Variants in MTAP observed in about 807,000 individuals in gnomAD.
MTAP encodes S-methyl-5'-thioadenosine phosphorylase.
Under a neutral mutation model 33.6 loss-of-function variants are expected in MTAP, and 33 were observed. The observed-to-expected ratio is 0.98, with a 90% confidence interval of 0.74 to 1.31. The LOEUF (loss-of-function observed/expected upper bound fraction) is 1.31, where lower values mean the gene tolerates loss of function less well. Among genes scored for constraint, MTAP ranks in the 40% most tolerant of loss-of-function variants. The probability of loss-of-function intolerance (pLI) is 0.00; values close to 1 mark genes in which losing one functional copy is unlikely to be tolerated. For missense variants in MTAP, 367 were observed against 360.0 expected (o/e 1.02, Z -0.16); for synonymous variants, 148 against 125.7 (o/e 1.18, Z -1.19).
chr9:21,904,404 C>A (rs1563865486), intron 1 of MTAP, among the ~76,000 whole-genome samples: 2 of 152,224 alleles, frequency 1.3e-5, no homozygotes, highest in African/African-American at 4.8e-5. Context: ...ACCTCCTCCT[C>A]TACCCAGCAT....
At chr9:21,873,709 C>A (rs1825967680) in intron 1 of MTAP, among the ~76,000 whole-genome samples, 2 of 149,554 alleles carry the variant, frequency 1.3e-5, no homozygotes, top group African/African-American at 4.9e-5. Context: ...AAGACAGCAG[C>A]CACTAAAAAG....
intron 1 of MTAP, chr9:21,893,714 C>G (rs572317289): frequency 6.6e-6 from 1 of 152,016 alleles, no homozygotes; most frequent in African/African-American, 2.4e-5. Flanking sequence ...AATTGAAACC[C>G]TGAACAGACC....
At chr9:21,926,072 C>G (rs1011019567) in intron 1 of MTAP, among the ~76,000 whole-genome samples, 9 of 152,168 alleles carry the variant, frequency 5.9e-5, no homozygotes, top group Non-Finnish European at 1.2e-4. Context: ...CAAATGCAAT[C>G]TTATGCCTCA....
intron 1 of MTAP, among the ~76,000 whole-genome samples, chr9:21,925,753 A>C (rs532177923): frequency 8.3e-4 from 102 of 123,584 alleles, no homozygotes; most frequent in Middle Eastern, 7.2e-3. Flanking sequence ...AAGGCCCGCC[A>C]CTCCAGCAGC....
chr9:21,839,298 CA>C (rs1392413819), intron 5 of MTAP, among the ~76,000 whole-genome samples: 1 of 151,896 alleles, frequency 6.6e-6, no homozygotes, highest in African/African-American at 2.4e-5. Flanking sequence ...CAGATCTGTC[CA>C]CATAATAGAT....
chr9:21,915,657 A>T (rs573078272), intron 1 of MTAP, among the ~76,000 whole-genome samples: 99 of 152,270 alleles, frequency 6.5e-4, no homozygotes, highest in African/African-American at 2.2e-3. Context: ...TATAAAGAGG[A>T]GTGATATAAT....
chr9:21,868,009 A>T (rs553846061), downstream of MTAP, among the ~76,000 whole-genome samples: 2 of 152,316 alleles, frequency 1.3e-5, no homozygotes, highest in African/African-American at 4.8e-5. Context: ...TCAAAAATAC[A>T]TAGAGTAAAA....
intron 1 of MTAP, among the ~76,000 whole-genome samples, chr9:21,915,007 C>T (rs1211271657): frequency 0.03 from 763 of 25,470 alleles, 42 homozygotes; most frequent in African/African-American, 0.13. Flanking sequence ...TTCTTTCCTT[C>T]CTTCCTTCCT....
At chr9:21,844,846 A>C (rs973429573) in intron 5 of MTAP, among the ~76,000 whole-genome samples, 1 of 152,156 alleles carries the variant, frequency 6.6e-6, no homozygotes. Context: ...CCTGGCTAAC[A>C]CGGTGAAACC....
chr9:21,910,780 C>T (rs1341822402), intron 1 of MTAP, among the ~76,000 whole-genome samples: 1 of 152,082 alleles, frequency 6.6e-6, no homozygotes, highest in East Asian at 1.9e-4. Context: ...GTATCACAGT[C>T]CAACTCCAGA....
At chr9:21,848,232 A>G (rs1825428231) in intron 5 of MTAP, among the ~76,000 whole-genome samples, 1 of 152,140 alleles carries the variant, frequency 6.6e-6, no homozygotes, top group Non-Finnish European at 1.5e-5. Context: ...CTATAACTGG[A>G]CTGAAGTTCC....
intron 1 of MTAP, among the ~76,000 whole-genome samples, chr9:21,900,162 G>A (rs1294067025): frequency 6.6e-6 from 1 of 151,938 alleles, no homozygotes; most frequent in Non-Finnish European, 1.5e-5. Context: ...ATTGCAACAA[G>A]AACAAAAATT....
At chr9:21,819,179 T>A (rs1378807039) in intron 4 of MTAP, among the ~76,000 whole-genome samples, 1 of 151,354 alleles carries the variant, frequency 6.6e-6, no homozygotes, top group Non-Finnish European at 1.5e-5. Context: ...CTAGGGTACA[T>A]GTGCACAACG....
chr9:21,839,161 G>A (rs1181175674), intron 5 of MTAP, among the ~76,000 whole-genome samples: 1 of 147,126 alleles, frequency 6.8e-6, no homozygotes, highest in East Asian at 2.0e-4. Flanking sequence ...AGGAAAGTAC[G>A]TCTTTTACTT....
rs1362602220 is a variant in MTAP at position 21,864,193 on chromosome 9, A to G, written c.*2179A>G. ...TTAAATAGCCTTCTCTAGCAACATC[A>G]TTTTCAGACTAACTAAATGAATGCA... On this transcript the variant is annotated 3_prime_UTR_variant, in exon 8 of 8. Coordinates refer to ENST00000644715, the MANE Select transcript of MTAP (RefSeq NM_002451.4). The G allele has an allele frequency of 2.0e-6, 2 of 985,242 alleles. No homozygotes were observed. The highest frequency in any genetic ancestry group is 3.5e-5 in the African/African-American group (2 of 57,208). 61.0% of individuals were successfully genotyped at this position (985,242 alleles called of 1,614,324 possible).
In MTAP at chr9:21,865,037, T is replaced by C. The variant is rs879441545; in HGVS notation, c.*3023T>C. 1 of 985,348 alleles carries C rather than the reference T, an allele frequency of 1.0e-6. No homozygotes were observed. Among genetic ancestry groups the C allele is most frequent in the South Asian group, 4.7e-5 (1 of 21,294 alleles). 61.0% of individuals were successfully genotyped at this position (985,348 alleles called of 1,614,324 possible). ...TCTGATGGGTTAGGAAGTCACGAAA[T>C]GAGGAGTTCTTGCCACATTTGCAGA... On this transcript the variant is annotated 3_prime_UTR_variant, in exon 8 of 8. Coordinates refer to ENST00000644715, the MANE Select transcript of MTAP (RefSeq NM_002451.4).
downstream of MTAP, among the ~76,000 whole-genome samples, chr9:21,938,238 C>CA (rs1819073489): frequency 6.7e-6 from 1 of 150,092 alleles, no homozygotes; most frequent in Admixed American, 6.6e-5. Context: ...CACACCACTG[C>CA]ACTCCAGCCT....
intron 5 of MTAP, among the ~76,000 whole-genome samples, chr9:21,842,148 A>C (rs1177665213): frequency 6.6e-6 from 1 of 152,228 alleles, no homozygotes; most frequent in African/African-American, 2.4e-5. Context: ...GAAAGCTTCA[A>C]CAATAGGCTA....
intron 1 of MTAP, among the ~76,000 whole-genome samples, chr9:21,901,347 A>G (rs1457408918): frequency 1.3e-5 from 2 of 152,130 alleles, no homozygotes. Context: ...AGCCTTTTAA[A>G]TTTTTTTAGT....
Sources: gnomAD v4.1 joint callset for allele counts (sites outside exome capture counted in the v4.1 genomes callset) on GRCh38, gnomAD v4.1.1 for gene constraint, MANE v1.5 for transcripts, NCBI Gene and HGNC (gene_info 2026-07-23, HGNC 2026-07-21) for gene names.